Variants in GMDS observed in about 807,000 individuals in gnomAD.
GMDS encodes the protein GDP-mannose 4,6 dehydratase.
In GMDS, 20 loss-of-function variants were observed where a neutral mutation model predicts 49.9. That is an observed-to-expected ratio of 0.40 (90% CI 0.28 to 0.58). GMDS has a LOEUF of 0.58. Ranked by LOEUF, GMDS falls within the 20% of genes least tolerant of loss-of-function variation. GMDS has a pLI of 0.42. For synonymous variants in GMDS, 177 were observed against 178.6 expected (o/e 0.99, Z 0.07); for missense variants, 362 against 481.4 (o/e 0.75, Z 2.32).
chr6:2,016,211 A>ATT (rs762022783), intron 4 of GMDS, among the ~76,000 whole-genome samples: 23 of 151,104 alleles, frequency 1.5e-4, no homozygotes, highest in Admixed American at 2.6e-4. Context: ...GTGAGCTGTG[A>ATT]TTGCGCCACT....
intron 7 of GMDS, among the ~76,000 whole-genome samples, chr6:1,847,170 C>T (rs916650126): frequency 6.6e-6 from 1 of 152,136 alleles, no homozygotes; most frequent in Non-Finnish European, 1.5e-5. Context: ...ATCCTCCTGC[C>T]TAAACCTCCC....
intron 1 of GMDS, among the ~76,000 whole-genome samples, chr6:2,150,364 C>T (rs6596872): frequency 0.95 from 144,199 of 152,234 alleles, 68,404 homozygotes; most frequent in East Asian, 1. Context: ...CTGGGCTACA[C>T]AGTGAGACTC....
At chr6:2,147,789 T>G (rs770972614) in intron 1 of GMDS, among the ~76,000 whole-genome samples, 1 of 150,086 alleles carries the variant, frequency 6.7e-6, no homozygotes, top group South Asian at 2.2e-4. Flanking sequence ...CTCAAAAAAA[T>G]GTAAAGATGT....
At chr6:2,187,603 C>T (rs1778835512) in intron 1 of GMDS, among the ~76,000 whole-genome samples, 1 of 152,240 alleles carries the variant, frequency 6.6e-6, no homozygotes, top group South Asian at 2.1e-4. Context: ...GCCACCATCA[C>T]TCTGCCTACT....
At chr6:1,882,012 T>C (rs1215484458) in intron 7 of GMDS, among the ~76,000 whole-genome samples, 2 of 152,226 alleles carry the variant, frequency 1.3e-5, no homozygotes, top group African/African-American at 4.8e-5. Context: ...CCACAAAAGA[T>C]AATCTAAGTG....
At chr6:2,073,797 C>T (rs539659005) in intron 4 of GMDS, among the ~76,000 whole-genome samples, 2 of 152,226 alleles carry the variant, frequency 1.3e-5, no homozygotes, top group South Asian at 2.1e-4. Flanking sequence ...ATATAATGAC[C>T]TCCAGTTCCA....
intron 7 of GMDS, among the ~76,000 whole-genome samples, chr6:1,828,501 T>G (rs1217409047): frequency 6.6e-6 from 1 of 152,104 alleles, no homozygotes. Flanking sequence ...ATTCAAATTG[T>G]CAAAAGCCAA....
At chr6:1,781,971 G>A (rs1257977785) in intron 7 of GMDS, among the ~76,000 whole-genome samples, 8 of 151,952 alleles carry the variant, frequency 5.3e-5, no homozygotes, top group African/African-American at 1.7e-4. Flanking sequence ...CCTACACCTC[G>A]CCGCCAAGTT....
chr6:1,743,303 C>CA (rs1767347075), intron 7 of GMDS, among the ~76,000 whole-genome samples: 2 of 152,174 alleles, frequency 1.3e-5, no homozygotes, highest in Admixed American at 1.3e-4. Flanking sequence ...CCTGTCGTCC[C>CA]AGCACTTTGG....
intron 7 of GMDS, among the ~76,000 whole-genome samples, chr6:1,883,807 A>T (rs932211727): frequency 6.6e-6 from 1 of 152,332 alleles, no homozygotes; most frequent in Middle Eastern, 3.4e-3. Flanking sequence ...ACATTTAAAT[A>T]TATCTAAAAG....
chr6:1,824,623 T>A (rs1204745173), intron 7 of GMDS, among the ~76,000 whole-genome samples: 1 of 152,108 alleles, frequency 6.6e-6, no homozygotes, highest in Admixed American at 6.5e-5. Context: ...CAGATGAGGA[T>A]CCAAACCCCA....
At chr6:1,694,606 C>T (rs768609718) in intron 9 of GMDS, among the ~76,000 whole-genome samples, 2 of 152,172 alleles carry the variant, frequency 1.3e-5, no homozygotes, top group African/African-American at 2.4e-5. Context: ...TATACACACA[C>T]GTCTGCACAC....
intron 1 of GMDS, among the ~76,000 whole-genome samples, chr6:2,202,810 C>T (rs1463400811): frequency 6.6e-6 from 1 of 152,108 alleles, no homozygotes; most frequent in Non-Finnish European, 1.5e-5. Flanking sequence ...GGTTCTGGAC[C>T]ACAGTGGAGA....
intron 4 of GMDS, among the ~76,000 whole-genome samples, chr6:1,977,022 T>C (rs957308399): frequency 1.3e-5 from 2 of 152,116 alleles, no homozygotes; most frequent in Non-Finnish European, 2.9e-5. Context: ...TGGAAGAGAA[T>C]GATGCCTGTA....
intron 4 of GMDS, among the ~76,000 whole-genome samples, chr6:2,039,686 C>T (rs886677007): frequency 7.9e-5 from 12 of 152,180 alleles, no homozygotes; most frequent in South Asian, 4.2e-4. Context: ...GTTACCTCCA[C>T]GTCTTCTCCT....
At chr6:2,131,869 C>G (rs560848179) in intron 1 of GMDS, among the ~76,000 whole-genome samples, 4 of 151,334 alleles carry the variant, frequency 2.6e-5, no homozygotes, top group African/African-American at 9.7e-5. Flanking sequence ...CTCCCTCCAT[C>G]CCATTCTTGC....
intron 8 of GMDS, among the ~76,000 whole-genome samples, chr6:1,735,164 AC>A (rs761598702): frequency 3.8e-4 from 57 of 149,552 alleles, no homozygotes; most frequent in Non-Finnish European, 6.5e-4. Flanking sequence ...GTGCCCAAGT[AC>A]CCCCAGAGTC....
At chr6:2,206,405 G>C (rs1779810440) in intron 1 of GMDS, among the ~76,000 whole-genome samples, 1 of 152,108 alleles carries the variant, frequency 6.6e-6, no homozygotes, top group African/African-American at 2.4e-5. Context: ...GAGGCTCTAG[G>C]AGGCACTGAA....
At chr6:1,717,281 A>G (rs1766209019) in intron 9 of GMDS, among the ~76,000 whole-genome samples, 1 of 152,250 alleles carries the variant, frequency 6.6e-6, no homozygotes, top group Middle Eastern at 3.2e-3. Flanking sequence ...TAGATTTTAG[A>G]CTATCAAAGT....
Sources: gnomAD v4.1 joint callset for allele counts (sites outside exome capture counted in the v4.1 genomes callset) on GRCh38, gnomAD v4.1.1 for gene constraint, MANE v1.5 for transcripts, NCBI Gene and HGNC (gene_info 2026-07-23, HGNC 2026-07-21) for gene names.